MICAL3: variants seen among roughly 807,000 people sequenced by gnomAD.
MICAL3 encodes the protein microtubule associated monooxygenase, calponin and LIM domain containing 3, also known as [F-actin]-monooxygenase MICAL3.
Under a neutral mutation model 207.4 loss-of-function variants are expected in MICAL3, and 62 were observed. The ratio of observed to expected loss-of-function variants is 0.30; its 90% CI spans 0.24 to 0.37. The LOEUF (loss-of-function observed/expected upper bound fraction) is 0.37, where lower values mean the gene tolerates loss of function less well. MICAL3 is among the 10% of genes least tolerant of loss of function. The pLI, the probability that MICAL3 is intolerant of heterozygous loss-of-function variation, is 1.00. For missense variants in MICAL3, 2,368 were observed against 2,635.6 expected, an observed-to-expected ratio of 0.90 and a Z score of 2.22; for synonymous variants, 1,077 against 1,069.3, an observed-to-expected ratio of 1.01 and a Z score of -0.14.
At chr22:17,953,578 G>A (rs756963284) in intron 1 of MICAL3, among the ~76,000 whole-genome samples, 4 of 152,036 alleles carry the variant, frequency 2.6e-5, no homozygotes, top group East Asian at 1.9e-4. Context: ...ACATCAGGGC[G>A]GGGGACATCA....
At chr22:17,926,215 A>G (rs1437265904) in intron 1 of MICAL3, among the ~76,000 whole-genome samples, 1 of 152,178 alleles carries the variant, frequency 6.6e-6, no homozygotes, top group African/African-American at 2.4e-5. Context: ...ATACAATCCA[A>G]CTTCCCTGAG....
chr22:17,993,840 C>A (rs1279993285), intron 1 of MICAL3, among the ~76,000 whole-genome samples: 2 of 72,466 alleles, frequency 2.8e-5, no homozygotes, highest in Non-Finnish European at 2.8e-5. Context: ...AAGCGGTGAC[C>A]CCCCAGGACG....
chr22:17,978,822 G>C (rs1935772958), intron 1 of MICAL3, among the ~76,000 whole-genome samples: 1 of 151,276 alleles, frequency 6.6e-6, no homozygotes, highest in Non-Finnish European at 1.5e-5. Flanking sequence ...CCTGGCCTGA[G>C]CGGTACACTT....
intron 19 of MICAL3, among the ~76,000 whole-genome samples, chr22:17,848,794 C>T (rs560173394): frequency 3.3e-5 from 5 of 152,354 alleles, no homozygotes; most frequent in Non-Finnish European, 1.5e-5. Context: ...TACAAAAGGT[C>T]TTCCTGCACT....
chr22:17,942,664 G>C (rs1160300323), intron 1 of MICAL3, among the ~76,000 whole-genome samples: 5 of 152,196 alleles, frequency 3.3e-5, no homozygotes, highest in Non-Finnish European at 7.4e-5. Context: ...CCCTCTGAGG[G>C]AGCCTGGCCT....
At chr22:17,835,789 G>A (rs949920393) in intron 20 of MICAL3, among the ~76,000 whole-genome samples, 4 of 152,228 alleles carry the variant, frequency 2.6e-5, no homozygotes, top group African/African-American at 7.2e-5. Flanking sequence ...TGTCCTGTGA[G>A]ATTGCTTGAT....
intron 19 of MICAL3, among the ~76,000 whole-genome samples, chr22:17,848,249 C>G (rs777641316): frequency 9.9e-5 from 15 of 152,196 alleles, no homozygotes; most frequent in Non-Finnish European, 2.1e-4. Context: ...CCTCTTTGCA[C>G]AGAGTCCAGA....
intron 10 of MICAL3, among the ~76,000 whole-genome samples, chr22:17,894,853 T>A (rs1181963309): frequency 6.6e-6 from 1 of 152,100 alleles, no homozygotes; most frequent in Non-Finnish European, 1.5e-5. Flanking sequence ...AACAATCTCT[T>A]TTGTCCTCAC....
chr22:17,791,775 C>A (rs2061826928), intron 29 of MICAL3: 1 of 173,948 alleles, frequency 5.7e-6, no homozygotes, highest in Non-Finnish European at 1.2e-5. Flanking sequence ...CTGCCCCTCT[C>A]CAGGGGCCAC....
At position 17,906,724 on chromosome 22, in the gene MICAL3, T is replaced by C. The variant is rs1234096268; in HGVS notation, c.89A>G (p.Lys30Arg). ...GTGGTCACAGAGCTCCTGGAAAGCC[T>C]TGAGGGTTCCCTTGCAGGTGGTGGC... Reference protein sequence around the residue: ...VQATTCKGTLKAFQELCDHLE... With the variant: ...VQATTCKGTLRAFQELCDHLE... The change falls in exon 2 of 32, where the codon AAG becomes AGG. Residue 30 changes from lysine (K) to arginine (R), a missense_variant. Transcript: ENST00000441493. 3.7e-6 allele frequency: 6 copies of C among 1,613,952 alleles called. No homozygotes were observed. The Middle Eastern group carries it at 6.6e-4, about 177-fold the overall frequency.
In MICAL3 at chr22:17,896,763, G is replaced by A. The variant is rs752445870; in HGVS notation, c.1167C>T (p.His389=). Residue 389 remains histidine (H), a synonymous_variant, in exon 8 of 32, where the codon CAC becomes CAT. Transcript: ENST00000441493. The part of the protein sequence containing the change: ...NAALVREQNG[H]QLLVALVGDS... ...CCCCGACCAGAGCCACTAGTAACTG[G>A]TGTCCGTTCTGCTCCCGCACCAAGG... 1.2e-6 allele frequency: 2 copies of A among 1,613,862 alleles called. No homozygotes were observed. The highest frequency in any genetic ancestry group is 1.7e-6 in the Non-Finnish European group (2 of 1,179,922).
chr22:17,953,955 AAAAAAAAAAAAAGAAAAG>A (rs1934484293), intron 1 of MICAL3, among the ~76,000 whole-genome samples: 1 of 143,658 alleles, frequency 7.0e-6, no homozygotes, highest in African/African-American at 2.7e-5. Flanking sequence ...AAAAAAAAAA[AAAAAAAAAAAAAGAAAAG>A]AAAAAGAAAA....
intron 29 of MICAL3, among the ~76,000 whole-genome samples, chr22:17,806,679 CTG>C (rs761018317): frequency 1.6e-4 from 25 of 152,168 alleles, no homozygotes; most frequent in Non-Finnish European, 2.4e-4. Flanking sequence ...GTTTTCAAAT[CTG>C]TGTTAATTAT....
chr22:17,854,423 G>C (rs888954509), intron 19 of MICAL3, among the ~76,000 whole-genome samples: 1 of 152,180 alleles, frequency 6.6e-6, no homozygotes, highest in Admixed American at 6.5e-5. Context: ...TCTCCACAAG[G>C]TCTGACGTGG....
chr22:18,023,602 T>C lies in MICAL3; in HGVS notation c.-75+679A>G, dbSNP rs564382723. ...ATTTGATTCTAAGACACATGCAGCC[T>C]CCAGAAGTCATGCGGCCCCGCCCTC... On this transcript the variant is annotated intron_variant, in intron 1 of 31. Transcript: ENST00000441493. 3.9e-5 allele frequency among the ~76,000 whole-genome samples: 6 copies of C among 152,334 alleles called. No homozygotes were observed. The East Asian group carries it at 1.2e-3, about 29-fold the overall frequency.
intron 1 of MICAL3, among the ~76,000 whole-genome samples, chr22:17,984,004 TAGG>T (rs1376447874): frequency 6.6e-6 from 1 of 152,160 alleles, no homozygotes; most frequent in Non-Finnish European, 1.5e-5. Flanking sequence ...GAAGGGTAAA[TAGG>T]AACTCGTGTA....
intron 21 of MICAL3, 100 bp downstream of exon 21, chr22:17,831,754 C>A: frequency 6.7e-7 from 1 of 1,486,500 alleles, no homozygotes; most frequent in South Asian, 1.4e-5. Context: ...GCAGGAGGCA[C>A]GTCCGTGTGA....
At chr22:17,986,514 T>C (rs1921031522) in intron 1 of MICAL3, among the ~76,000 whole-genome samples, 1 of 151,304 alleles carries the variant, frequency 6.6e-6, no homozygotes, top group Non-Finnish European at 1.5e-5. Flanking sequence ...AGCGAGAATC[T>C]GTCTCAAAAA....
chr22:17,945,670 GC>G (rs1323694444), intron 1 of MICAL3, among the ~76,000 whole-genome samples: 1 of 152,102 alleles, frequency 6.6e-6, no homozygotes, highest in African/African-American at 2.4e-5. Flanking sequence ...TCTCCACACA[GC>G]CCCCATACGC....
Sources: allele counts gnomAD v4.1 joint callset (sites outside exome capture counted in the v4.1 genomes callset), GRCh38; gene constraint gnomAD v4.1.1; transcripts MANE v1.5; gene names NCBI Gene and HGNC (gene_info 2026-07-23, HGNC 2026-07-21).